Variants in ZNF469 observed in about 807,000 individuals in gnomAD.
ZNF469 encodes zinc finger protein 469.
ZNF469 carries 1 observed loss-of-function variant against 1.0 expected under a neutral mutation model. That is an observed-to-expected ratio of 1.00 (90% confidence interval 0.35 to 4.73). The LOEUF (loss-of-function observed/expected upper bound fraction) is 4.73. ZNF469 is among the 30% of genes most tolerant of loss of function. ZNF469 has a pLI of 0.16. For missense variants in ZNF469, 6,100 were observed against 5,356.3 expected (o/e 1.14, Z -4.33); for synonymous variants, 2,703 against 2,363.4 (o/e 1.14, Z -4.17).
chr16:88,356,632 A>G, the ZNF469 span, among the ~76,000 whole-genome samples: 2 of 152,164 alleles, frequency 1.3e-5, no homozygotes, highest in African/African-American at 4.8e-5. Flanking sequence ...CTGGGCTCAG[A>G]AGGTCCTCCA....
the ZNF469 span, among the ~76,000 whole-genome samples, chr16:88,259,895 G>A: frequency 6.6e-5 from 10 of 152,122 alleles, no homozygotes; most frequent in Non-Finnish European, 1.3e-4. The surrounding 1 kb of genome is among the most constrained non-coding windows in gnomAD (Gnocchi z 4.1). Context: ...AGCCCCATCC[G>A]GACATTTACA....
the ZNF469 span, among the ~76,000 whole-genome samples, chr16:88,343,228 G>A: frequency 5.9e-5 from 9 of 152,212 alleles, no homozygotes; most frequent in African/African-American, 9.7e-5. Context: ...TCAGGGCCAC[G>A]GCTGAGATGG....
the ZNF469 span, among the ~76,000 whole-genome samples, chr16:88,182,393 T>C: frequency 6.6e-6 from 1 of 152,104 alleles, no homozygotes; most frequent in Non-Finnish European, 1.5e-5. Flanking sequence ...TAAACTTATA[T>C]GAAAATTAAA....
the ZNF469 span, among the ~76,000 whole-genome samples, chr16:88,134,310 G>T: frequency 6.6e-6 from 1 of 152,168 alleles, no homozygotes. Flanking sequence ...ACGGTGCACT[G>T]TTGTACTCAC....
the ZNF469 span, among the ~76,000 whole-genome samples, chr16:88,220,094 T>C: frequency 6.8e-3 from 1,028 of 152,270 alleles, 13 homozygotes; most frequent in African/African-American, 0.022. Flanking sequence ...TTGTGTCCAA[T>C]AGAGTTTTTC....
chr16:88,125,032 A>G, the ZNF469 span, among the ~76,000 whole-genome samples: 1 of 152,114 alleles, frequency 6.6e-6, no homozygotes, highest in Non-Finnish European at 1.5e-5. Context: ...TTATAATTAG[A>G]TCTATGCTCC....
intron 1 of ZNF469, among the ~76,000 whole-genome samples, chr16:88,418,293 G>A (rs1296374842): frequency 6.6e-6 from 1 of 152,178 alleles, no homozygotes; most frequent in Non-Finnish European, 1.5e-5. Context: ...GGTGGCATTG[G>A]AGCTAAAGCT....
At chr16:88,370,524 TGTC>T in the ZNF469 span, among the ~76,000 whole-genome samples, 1 of 152,080 alleles carries the variant, frequency 6.6e-6, no homozygotes, top group African/African-American at 2.4e-5. Flanking sequence ...AATAATATCT[TGTC>T]GTGTCACCCA....
the ZNF469 span, among the ~76,000 whole-genome samples, chr16:88,255,637 G>C: frequency 6.6e-6 from 1 of 152,194 alleles, no homozygotes; most frequent in Non-Finnish European, 1.5e-5. Flanking sequence ...TACGTTGTAA[G>C]AGTTAAAGAA....
chr16:88,115,671 G>A, the ZNF469 span, among the ~76,000 whole-genome samples: 3 of 149,908 alleles, frequency 2.0e-5, no homozygotes, highest in Non-Finnish European at 4.4e-5. Context: ...TCCCTCTGGA[G>A]GCTCTGGGCC....
the ZNF469 span, among the ~76,000 whole-genome samples, chr16:88,260,030 T>G: frequency 5.3e-5 from 8 of 152,056 alleles, no homozygotes; most frequent in Non-Finnish European, 8.8e-5. This position sits in a 1 kb window ranked among gnomAD's most constrained non-coding sequence, Gnocchi z 4.1. Context: ...CAGGCTGGAG[T>G]GCAGTGGTAA....
intron 1 of ZNF469, among the ~76,000 whole-genome samples, chr16:88,385,046 C>T (rs1047459209): frequency 3.9e-5 from 6 of 152,192 alleles, no homozygotes; most frequent in African/African-American, 1.4e-4. Flanking sequence ...GGGATGGTCT[C>T]CCCCTGTATG....
At chr16:88,344,745 C>A in the ZNF469 span, among the ~76,000 whole-genome samples, 2 of 152,208 alleles carry the variant, frequency 1.3e-5, no homozygotes, top group Admixed American at 1.3e-4. Flanking sequence ...GAAGGTCCCC[C>A]AAAGTGCCTG....
the ZNF469 span, among the ~76,000 whole-genome samples, chr16:88,143,565 T>C: frequency 6.6e-6 from 1 of 151,656 alleles, no homozygotes; most frequent in Non-Finnish European, 1.5e-5. Flanking sequence ...TGGCCATGCG[T>C]CTCCCTGCAG....
the ZNF469 span, among the ~76,000 whole-genome samples, chr16:88,352,837 C>T: frequency 6.6e-6 from 1 of 152,228 alleles, no homozygotes; most frequent in African/African-American, 2.4e-5. Context: ...CTGACCCCGT[C>T]CTGCTGCATG....
the ZNF469 span, among the ~76,000 whole-genome samples, chr16:88,340,594 G>C: frequency 6.6e-6 from 1 of 152,218 alleles, no homozygotes; most frequent in African/African-American, 2.4e-5. Flanking sequence ...CCCAGGGAGG[G>C]TGCTGCCCAG....
chr16:88,206,455 G>A, the ZNF469 span, among the ~76,000 whole-genome samples: 2 of 152,110 alleles, frequency 1.3e-5, no homozygotes, highest in Admixed American at 6.5e-5. Flanking sequence ...TTTCATAACC[G>A]CAGCTCAGTT....
At chr16:88,341,753 G>A in the ZNF469 span, among the ~76,000 whole-genome samples, 5 of 152,302 alleles carry the variant, frequency 3.3e-5, no homozygotes, top group South Asian at 1.0e-3. Flanking sequence ...GGGTTCAGAT[G>A]AGCCAGGAAG....
the ZNF469 span, among the ~76,000 whole-genome samples, chr16:88,369,469 A>T: frequency 6.6e-6 from 1 of 152,190 alleles, no homozygotes; most frequent in Non-Finnish European, 1.5e-5. Flanking sequence ...GGGGGCACCC[A>T]AGCCACATGA....
Sources: allele counts gnomAD v4.1 joint callset (sites outside exome capture counted in the v4.1 genomes callset), GRCh38; gene constraint gnomAD v4.1.1; non-coding constraint Gnocchi (gnomAD v3.1); transcripts MANE v1.5; gene names NCBI Gene and HGNC (gene_info 2026-07-23, HGNC 2026-07-21).